Variants in GALNT16 observed in about 807,000 individuals in gnomAD.
GALNT16 encodes the protein UDP-GalNAc:polypeptide N-acetylgalactosaminyltransferase-like protein 1.
A neutral mutation model predicts 76.1 loss-of-function variants in GALNT16; 40 were observed. The ratio of observed to expected loss-of-function variants is 0.53; its 90% confidence interval spans 0.41 to 0.68. GALNT16 has a LOEUF of 0.68. Among genes scored for constraint, GALNT16 ranks in the 30% least tolerant of loss-of-function variants. GALNT16 has a pLI of 0.00. For synonymous variants in GALNT16, 276 were observed against 285.2 expected, an observed-to-expected ratio of 0.97 and a Z score of 0.32; for missense variants, 621 against 731.9, an observed-to-expected ratio of 0.85 and a Z score of 1.75.
At chr14:69,354,968 A>T (rs76933040), downstream of GALNT16, 1 of 152,244 alleles carries the variant, frequency 6.6e-6, no homozygotes, top group African/African-American at 2.4e-5. Context: ...AAAAACAGCA[A>T]AATAATTCTG....
the GALNT16 span, among the ~76,000 whole-genome samples, chr14:69,368,575 G>A: frequency 1.3e-5 from 2 of 152,208 alleles, no homozygotes; most frequent in Non-Finnish European, 2.9e-5. Context: ...TACTGGTAGT[G>A]AGATCTCATT....
At chr14:69,263,529 C>A (rs188118617) in intron 1 of GALNT16, among the ~76,000 whole-genome samples, 9 of 152,176 alleles carry the variant, frequency 5.9e-5, no homozygotes, top group Non-Finnish European at 1.0e-4. Flanking sequence ...TTCAGACAGG[C>A]GTCATCATTG....
rs376997936 is a variant in GALNT16 at position 69,314,624 on chromosome 14, C to T, written c.178-6087C>T. Among the ~76,000 whole-genome samples, 48 of 152,322 alleles carry T rather than the reference C, an allele frequency of 3.2e-4. 1 individual carries two copies. The South Asian group carries it at 1.0e-2, about 32-fold the overall frequency. On this transcript the variant is annotated intron_variant, in intron 1 of 14. Transcript: ENST00000448469. ...GCAGGCTCAGGGAGGCCCTGTGGAA[C>T]CCTCCTTTTCATTTGGAAGAGTTGG...
intron 1 of GALNT16, among the ~76,000 whole-genome samples, chr14:69,297,262 T>C (rs901225120): frequency 2.8e-4 from 42 of 152,266 alleles, no homozygotes; most frequent in African/African-American, 1.0e-3. Context: ...AGCAGACGTA[T>C]ACACTCGCAA....
At chr14:69,319,358 G>T (rs902721400) in intron 1 of GALNT16, among the ~76,000 whole-genome samples, 2 of 152,212 alleles carry the variant, frequency 1.3e-5, no homozygotes, top group African/African-American at 4.8e-5. Context: ...TCCACACAGC[G>T]ATCCACTCCC....
chr14:69,313,115 C>T (rs1281185525), intron 1 of GALNT16, among the ~76,000 whole-genome samples: 1 of 152,182 alleles, frequency 6.6e-6, no homozygotes, highest in African/African-American at 2.4e-5. Context: ...ACCCAGTGCA[C>T]AGTAGACCCT....
At chr14:69,379,747 G>A in the GALNT16 span, among the ~76,000 whole-genome samples, 2 of 152,146 alleles carry the variant, frequency 1.3e-5, no homozygotes, top group South Asian at 2.1e-4. Context: ...CCCTACAGTA[G>A]TGGGTAACTA....
intron 2 of GALNT16, among the ~76,000 whole-genome samples, chr14:69,324,311 G>A (rs965968720): frequency 2.0e-5 from 3 of 152,124 alleles, no homozygotes; most frequent in Admixed American, 2.0e-4. Context: ...GACAAACAGA[G>A]GTAGTTTTCC....
the GALNT16 span, among the ~76,000 whole-genome samples, chr14:69,369,163 G>A: frequency 2.0e-4 from 30 of 152,140 alleles, 1 homozygote; most frequent in Admixed American, 2.0e-3. Flanking sequence ...TAACTGATGA[G>A]GGCCTGATGA....
In GALNT16 at chr14:69,331,410, C is replaced by G. The variant is rs1031109075; in HGVS notation, c.691-54C>G. ...CTTCTCCCCAGAGCAGGCAGCTAGG[C>G]CTTTTTCTGCAGAGAAGTCCCAGGC... On this transcript the variant is annotated intron_variant, in intron 6 of 14. Coordinates refer to ENST00000448469, the MANE Select transcript of GALNT16 (RefSeq NM_001168368.2). The G allele has an allele frequency of 1.1e-4, 114 of 993,826 alleles. No individual in the cohort carries two copies. The Admixed American group carries it at 1.9e-3, about 17-fold the overall frequency. 61.6% of individuals were successfully genotyped at this position (993,826 alleles called of 1,614,324 possible). A position where few individuals can be genotyped will look rare whatever the true frequency, so the allele number is the denominator to read the frequency against.
At chr14:69,337,053 T>A (rs1416867877) in intron 9 of GALNT16, among the ~76,000 whole-genome samples, 9 of 152,244 alleles carry the variant, frequency 5.9e-5, no homozygotes, top group African/African-American at 2.2e-4. Context: ...ATGCATTTTC[T>A]TGTTTACTTG....
At chr14:69,330,445 T>C (rs866852930) in intron 6 of GALNT16, among the ~76,000 whole-genome samples, 1 of 152,258 alleles carries the variant, frequency 6.6e-6, no homozygotes, top group Non-Finnish European at 1.5e-5. Context: ...ATAGTGGTGA[T>C]GGTTGTACAA....
At chr14:69,378,605 TCTTC>T in the GALNT16 span, among the ~76,000 whole-genome samples, 16 of 152,196 alleles carry the variant, frequency 1.1e-4, no homozygotes, top group Non-Finnish European at 1.6e-4. Context: ...CCAGTTCTAG[TCTTC>T]CTTAAGCTTT....
intron 6 of GALNT16, among the ~76,000 whole-genome samples, chr14:69,329,714 A>G (rs2045329011): frequency 6.6e-6 from 1 of 152,120 alleles, no homozygotes; most frequent in Non-Finnish European, 1.5e-5. Flanking sequence ...AGCTTTATTC[A>G]TGGCAGAAAG....
At chr14:69,295,321 G>A (rs577302319) in intron 1 of GALNT16, among the ~76,000 whole-genome samples, 4 of 151,516 alleles carry the variant, frequency 2.6e-5, no homozygotes. Flanking sequence ...AGGCTGAGAC[G>A]GGAGGATCGC....
intron 1 of GALNT16, among the ~76,000 whole-genome samples, chr14:69,291,558 G>A (rs1010980253): frequency 6.6e-6 from 1 of 152,182 alleles, no homozygotes; most frequent in Non-Finnish European, 1.5e-5. Flanking sequence ...ACAGACATGC[G>A]CCAAGCCCTG....
At chr14:69,378,664 C>G in the GALNT16 span, among the ~76,000 whole-genome samples, 2 of 152,212 alleles carry the variant, frequency 1.3e-5, no homozygotes, top group African/African-American at 4.8e-5. Context: ...TCTCATCACT[C>G]AACATCTAGA....
At chr14:69,285,202 G>C (rs1031279858) in intron 1 of GALNT16, among the ~76,000 whole-genome samples, 1 of 151,892 alleles carries the variant, frequency 6.6e-6, no homozygotes, top group Non-Finnish European at 1.5e-5. Context: ...TACCACGCCC[G>C]GCTAATTTTT....
At chr14:69,330,585 C>T (rs1222523820) in intron 6 of GALNT16, among the ~76,000 whole-genome samples, 1 of 152,214 alleles carries the variant, frequency 6.6e-6, no homozygotes, top group Non-Finnish European at 1.5e-5. Context: ...CATCAAAGGT[C>T]TCTGTTGATC....
Sources: allele counts gnomAD v4.1 joint callset (sites outside exome capture counted in the v4.1 genomes callset), GRCh38; gene constraint gnomAD v4.1.1; transcripts MANE v1.5; gene names NCBI Gene and HGNC (gene_info 2026-07-23, HGNC 2026-07-21).